The following ZBBX variants were observed in gnomAD, a reference collection of about 807,000 sequenced individuals.
ZBBX encodes zinc finger B-box domain-containing protein 1.
A neutral mutation model predicts 108.5 loss-of-function variants in ZBBX; 101 were observed. That is an observed-to-expected ratio of 0.93 (90% confidence interval 0.79 to 1.10). The LOEUF (loss-of-function observed/expected upper bound fraction) is 1.10, where lower values mean the gene tolerates loss of function less well. Ranked by LOEUF, ZBBX falls within the 50% of genes least tolerant of loss-of-function variation. The pLI is 0.00. For synonymous variants in ZBBX, 356 were observed against 323.4 expected, an observed-to-expected ratio of 1.10 and a Z score of -1.08; for missense variants, 1,009 against 941.4, an observed-to-expected ratio of 1.07 and a Z score of -0.94.
intron 20 of ZBBX, among the ~76,000 whole-genome samples, chr3:167,259,202 G>A (rs992084710): frequency 1.3e-5 from 2 of 152,034 alleles, no homozygotes; most frequent in East Asian, 1.9e-4. Flanking sequence ...AAGCTAAGAG[G>A]GTTATATTTT....
At chr3:167,293,104 C>T (rs780170796) in intron 18 of ZBBX, among the ~76,000 whole-genome samples, 4 of 152,070 alleles carry the variant, frequency 2.6e-5, no homozygotes, top group East Asian at 1.9e-4. Flanking sequence ...TATTCATAGC[C>T]GAATTCTACC....
chr3:167,323,858 A>C (rs1311860187), intron 11 of ZBBX, among the ~76,000 whole-genome samples: 1 of 152,082 alleles, frequency 6.6e-6, no homozygotes, highest in East Asian at 1.9e-4. Context: ...GTCTGAGATA[A>C]TGGACTTCAG....
At chr3:167,269,127 C>T (rs1461350438) in intron 20 of ZBBX, among the ~76,000 whole-genome samples, 1 of 152,144 alleles carries the variant, frequency 6.6e-6, no homozygotes, top group Non-Finnish European at 1.5e-5. Context: ...GGCTCAGGGG[C>T]TCTGTCTCTT....
intron 16 of ZBBX, among the ~76,000 whole-genome samples, chr3:167,310,503 C>T (rs1320439799): frequency 6.6e-6 from 1 of 152,132 alleles, no homozygotes; most frequent in Non-Finnish European, 1.5e-5. Flanking sequence ...AATTGACTCA[C>T]AGTTCCACAT....
At chr3:167,374,910 T>A (rs1746708052) in intron 2 of ZBBX, among the ~76,000 whole-genome samples, 1 of 152,200 alleles carries the variant, frequency 6.6e-6, no homozygotes. Context: ...AGCTCTTGGA[T>A]AAGGGACTAA....
At chr3:167,397,026 T>A (rs1270303677) in intron 1 of ZBBX, among the ~76,000 whole-genome samples, 3 of 151,246 alleles carry the variant, frequency 2.0e-5, no homozygotes, top group African/African-American at 7.3e-5. Context: ...GCATTGCTCA[T>A]TTTTTTCCCT....
chr3:167,281,854 TA>T (rs1728866035), intron 20 of ZBBX, among the ~76,000 whole-genome samples: 1 of 152,162 alleles, frequency 6.6e-6, no homozygotes, highest in Non-Finnish European at 1.5e-5. Flanking sequence ...AGCACTGCTT[TA>T]AAAGATCTAA....
the ZBBX span, among the ~76,000 whole-genome samples, chr3:167,213,471 A>C: frequency 1.3e-5 from 2 of 152,294 alleles, no homozygotes; most frequent in South Asian, 4.1e-4. Context: ...GTTCTCTGAA[A>C]TAAGAAGTCA....
At chr3:167,293,899 T>A (rs1252348252) in intron 18 of ZBBX, among the ~76,000 whole-genome samples, 2 of 151,868 alleles carry the variant, frequency 1.3e-5, no homozygotes, top group East Asian at 3.9e-4. Context: ...TATACACCTA[T>A]AACAGACAAA....
Position 167,317,071 on chromosome 3 carries a change from T to G in ZBBX, c.1128A>C (p.Leu376Phe), listed in dbSNP as rs1363313959. 2 of 1,610,914 alleles carry G rather than the reference T, an allele frequency of 1.2e-6. No homozygotes were observed. Among genetic ancestry groups the G allele is most frequent in the Non-Finnish European group, 1.7e-6 (2 of 1,177,950 alleles). ...EETKVQHTAL[L>F]LPVETLNIER... ...CTATGTTTAATGTTTCTACTGGCAA[T>G]AAAAGAGCTGTGTGTTGTACTTTGG... The change falls in exon 14 of 22, where the codon TTA (leucine) becomes TTC (phenylalanine). Residue 376 changes from leucine (L) to phenylalanine (F), a missense_variant. Transcript: ENST00000675490.
Position 167,387,461 on chromosome 3 carries a change from G to A in ZBBX, c.-445-7056C>T, listed in dbSNP as rs1747952608. ...ATTTTCAGTCACAATGATGTTCAAT[G>A]TTGGCCTAGTCTGTTGCGTAGGAAC... On this transcript the variant is annotated intron_variant, in intron 1 of 21. Transcript: ENST00000455345. 3.3e-5 allele frequency among the ~76,000 whole-genome samples: 5 copies of A among 152,164 alleles called. No individual in the cohort carries two copies. In the South Asian group the frequency reaches 6.2e-4, roughly 19 times the overall value.
At chr3:167,374,251 G>A (rs538621435) in intron 2 of ZBBX, among the ~76,000 whole-genome samples, 3 of 152,080 alleles carry the variant, frequency 2.0e-5, no homozygotes, top group African/African-American at 7.2e-5. Context: ...CTTTGGCTCA[G>A]ATCAGAAATT....
At chr3:167,337,137 G>T (rs1436524997) in intron 9 of ZBBX, among the ~76,000 whole-genome samples, 1 of 152,038 alleles carries the variant, frequency 6.6e-6, no homozygotes, top group Non-Finnish European at 1.5e-5. Flanking sequence ...AAAGAATGAG[G>T]ATTATAACAT....
chr3:167,222,059 A>C, the ZBBX span, among the ~76,000 whole-genome samples: 1 of 151,954 alleles, frequency 6.6e-6, no homozygotes, highest in African/African-American at 2.4e-5. Context: ...CTGGGTATAT[A>C]CCTAAAAGAA....
the ZBBX span, among the ~76,000 whole-genome samples, chr3:167,213,905 T>G: frequency 3.8e-3 from 577 of 152,218 alleles, 2 homozygotes; most frequent in African/African-American, 0.013. Flanking sequence ...AAAAAAATCT[T>G]CAACCAAGAA....
intron 20 of ZBBX, among the ~76,000 whole-genome samples, chr3:167,273,501 C>A (rs1726910529): frequency 6.6e-6 from 1 of 152,172 alleles, no homozygotes; most frequent in Non-Finnish European, 1.5e-5. Flanking sequence ...CAGCTTCGGT[C>A]TTCTGCTCAT....
chr3:167,361,741 G>T (rs1744544433), intron 6 of ZBBX, among the ~76,000 whole-genome samples: 1 of 152,062 alleles, frequency 6.6e-6, no homozygotes, highest in African/African-American at 2.4e-5. Flanking sequence ...TTTTTAAATT[G>T]CTAATGTTAT....
At chr3:167,308,057 C>T (rs1056512405) in intron 16 of ZBBX, among the ~76,000 whole-genome samples, 7 of 152,082 alleles carry the variant, frequency 4.6e-5, no homozygotes, top group Admixed American at 3.3e-4. Context: ...CTTTTGCAAA[C>T]CATGAATTCA....
chr3:167,386,122 G>T (rs1230969948), intron 1 of ZBBX, among the ~76,000 whole-genome samples: 1 of 151,886 alleles, frequency 6.6e-6, no homozygotes, highest in African/African-American at 2.4e-5. Context: ...CTGTCATTTG[G>T]ACAGAAGAAA....
Sources: gnomAD v4.1 joint callset for allele counts (sites outside exome capture counted in the v4.1 genomes callset) on GRCh38, gnomAD v4.1.1 for gene constraint, MANE v1.5 for transcripts, NCBI Gene and HGNC (gene_info 2026-07-23, HGNC 2026-07-21) for gene names.